EVA1A: variants seen among roughly 807,000 people sequenced by gnomAD.
EVA1A encodes the protein eva-1 homolog A, regulator of programmed cell death, also known as protein eva-1 homolog A.
In EVA1A, 7 loss-of-function variants were observed where a neutral mutation model predicts 9.8. That is an observed-to-expected ratio of 0.71 (90% CI 0.41 to 1.34). The LOEUF is 1.34. Ranked by LOEUF, EVA1A falls within the 40% of genes most tolerant of loss-of-function variation. The pLI is 0.01. For synonymous variants in EVA1A, 90 were observed against 85.6 expected (o/e 1.05, Z -0.28); for missense variants, 206 against 205.9 (o/e 1.00, Z 0.00).
intron 1 of EVA1A, among the ~76,000 whole-genome samples, chr2:75,538,091 A>G (rs2103924861): frequency 1.3e-5 from 2 of 152,302 alleles, no homozygotes; most frequent in South Asian, 2.1e-4. Flanking sequence ...GGAGTTCAAG[A>G]CCAGCCTGAC....
chr2:75,493,957 C>T lies in EVA1A; in HGVS notation c.86-348G>A, dbSNP rs1046730187. Among the ~76,000 whole-genome samples, 3 of 152,178 alleles carry T rather than the reference C, an allele frequency of 2.0e-5. No individual in the cohort carries two copies. In the East Asian group the frequency reaches 5.8e-4, roughly 29 times the overall value. On this transcript the variant is annotated intron_variant, in intron 3 of 3. Coordinates refer to ENST00000393913, the MANE Select transcript of EVA1A (RefSeq NM_001135032.2). ...TTTAAGAGATGTATCTATCTAAAGC[C>T]TCTTTTCACCTAGGCCAAAACAGCT...
chr2:75,556,753 C>T (rs1676724689), intron 1 of EVA1A, among the ~76,000 whole-genome samples: 1 of 152,154 alleles, frequency 6.6e-6, no homozygotes, highest in African/African-American at 2.4e-5. Context: ...AACTGTTCCA[C>T]CTCAGATCAC....
At chr2:75,525,963 G>A (rs1326179306) in intron 1 of EVA1A, 1 of 152,148 alleles carries the variant, frequency 6.6e-6, no homozygotes, top group East Asian at 1.9e-4. Flanking sequence ...TAGCCTGGAG[G>A]CTGCCTACCT....
At chr2:75,559,914 A>C (rs1432111760) in intron 1 of EVA1A, among the ~76,000 whole-genome samples, 1 of 152,140 alleles carries the variant, frequency 6.6e-6, no homozygotes, top group African/African-American at 2.4e-5. Context: ...ATGAGAACTC[A>C]GGCAGTTAAT....
rs775915837 is a variant in EVA1A at position 75,518,146 on chromosome 2, A to T, written c.-6T>A. 2.5e-6 allele frequency: 4 copies of T among 1,613,430 alleles called. No individual in the cohort carries two copies. Among genetic ancestry groups the T allele is most frequent in the Non-Finnish European group, 3.4e-6 (4 of 1,179,736 alleles). On this transcript the variant is annotated 5_prime_UTR_variant, in exon 3 of 4. The change abolishes an upstream ATG in the 5' untranslated region. Transcript: ENST00000393913. The stretch of plus-strand genomic sequence containing the variant: ...TGGCTGAGGGGCAGCCTCATGGGAC[A>T]TCCAGAGGGGACCTCCTGGAGGTGC...
chr2:75,552,512 AG>A (rs1676561230), intron 1 of EVA1A, among the ~76,000 whole-genome samples: 2 of 152,306 alleles, frequency 1.3e-5, no homozygotes, highest in South Asian at 4.1e-4. Context: ...GGCTTTCTTG[AG>A]TCTGCCCAAT....
chr2:75,522,624 T>A (rs2103860421), intron 1 of EVA1A, 137 bp from the exon 2 acceptor site: 1 of 152,262 alleles, frequency 6.6e-6, no homozygotes, highest in Admixed American at 6.5e-5. Flanking sequence ...ATGAATAGCA[T>A]CCCCAGAGAG....
chr2:75,531,015 CA>C (rs1467690184), intron 1 of EVA1A, among the ~76,000 whole-genome samples: 1 of 152,244 alleles, frequency 6.6e-6, no homozygotes, highest in African/African-American at 2.4e-5. Context: ...CAAGACTCAT[CA>C]AAAAGCTCCT....
intron 1 of EVA1A, among the ~76,000 whole-genome samples, chr2:75,554,885 C>G (rs566688273): frequency 2.7e-4 from 41 of 152,312 alleles, no homozygotes; most frequent in Admixed American, 8.5e-4. Context: ...CTCATATCTT[C>G]TCTGTCATGG....
intron 3 of EVA1A, among the ~76,000 whole-genome samples, chr2:75,506,550 T>C (rs1674626463): frequency 6.6e-6 from 1 of 152,170 alleles, no homozygotes; most frequent in Admixed American, 6.5e-5. Flanking sequence ...GTCTGAAACC[T>C]TTTGCAGATT....
At chr2:75,498,126 T>C (rs1674278623) in intron 3 of EVA1A, among the ~76,000 whole-genome samples, 1 of 152,178 alleles carries the variant, frequency 6.6e-6, no homozygotes, top group African/African-American at 2.4e-5. Flanking sequence ...GTGGTACATA[T>C]GCACCATGGA....
At chr2:75,508,409 C>T (rs545890725) in intron 3 of EVA1A, among the ~76,000 whole-genome samples, 4 of 152,136 alleles carry the variant, frequency 2.6e-5, no homozygotes, top group East Asian at 1.9e-4. Context: ...GGTCTATAAA[C>T]GGCCTGTAGG....
intron 1 of EVA1A, among the ~76,000 whole-genome samples, chr2:75,554,200 G>A (rs1676622080): frequency 6.6e-6 from 1 of 152,182 alleles, no homozygotes; most frequent in Admixed American, 6.5e-5. Flanking sequence ...GGCAGGAGGG[G>A]GCAAGGCAAA....
intron 1 of EVA1A, chr2:75,558,526 G>A (rs1046177221): frequency 6.6e-6 from 1 of 152,278 alleles, no homozygotes; most frequent in Non-Finnish European, 1.5e-5. Flanking sequence ...GGAGGGGAGA[G>A]GGGAGGCTGA....
chr2:75,535,917 C>T (rs1675873888), intron 1 of EVA1A, among the ~76,000 whole-genome samples: 1 of 152,124 alleles, frequency 6.6e-6, no homozygotes, highest in South Asian at 2.1e-4. Context: ...ACTTGTACCT[C>T]TAAAGCTATT....
At position 75,493,465 on chromosome 2, in the gene EVA1A, C is replaced by T. The variant is rs756561007; in HGVS notation, c.230G>A (p.Ser77Asn). ...PGKKFLQDRESSSDSSDSEDG... is the reference protein window; with the variant it reads ...PGKKFLQDRENSSDSSDSEDG... ...CTCGCTGTCGCTGCTGTCGCTGCTGCTCTCTCTGTCCTGCAGGAACTTCTT... is the reference window on the plus strand; with the variant it reads ...CTCGCTGTCGCTGCTGTCGCTGCTGTTCTCTCTGTCCTGCAGGAACTTCTT... Residue 77 changes from serine (S) to asparagine (N), a missense_variant, in exon 4 of 4, where the codon AGC becomes AAC. Coordinates refer to ENST00000393913, the MANE Select transcript of EVA1A (RefSeq NM_001135032.2). 3 of 1,614,044 alleles carry T rather than the reference C, an allele frequency of 1.9e-6. No individual in the cohort carries two copies. The highest frequency in any genetic ancestry group is 2.2e-5 in the South Asian group (2 of 91,090).
At chr2:75,497,962 T>C (rs962291060) in intron 3 of EVA1A, among the ~76,000 whole-genome samples, 2 of 149,172 alleles carry the variant, frequency 1.3e-5, no homozygotes, top group Admixed American at 6.7e-5. Flanking sequence ...GACCCAGCAA[T>C]CCCACTACTG....
At chr2:75,521,119 C>G (rs1171047741) in intron 2 of EVA1A, among the ~76,000 whole-genome samples, 2 of 152,210 alleles carry the variant, frequency 1.3e-5, no homozygotes, top group East Asian at 1.9e-4. Flanking sequence ...CTCCACATAA[C>G]CAAGCATTAA....
intron 1 of EVA1A, among the ~76,000 whole-genome samples, chr2:75,557,958 C>T (rs1676778577): frequency 6.6e-6 from 1 of 152,268 alleles, no homozygotes; most frequent in Non-Finnish European, 1.5e-5. Flanking sequence ...ATATGCCAAG[C>T]ACTGGGCTAA....
Sources: allele counts gnomAD v4.1 joint callset (sites outside exome capture counted in the v4.1 genomes callset), GRCh38; gene constraint gnomAD v4.1.1; transcripts MANE v1.5; gene names NCBI Gene and HGNC (gene_info 2026-07-23, HGNC 2026-07-21).